Variants in DAAM2 observed in about 807,000 individuals in gnomAD.
DAAM2 encodes the protein dishevelled associated activator of morphogenesis 2.
DAAM2 carries 39 observed loss-of-function variants against 120.7 expected under a neutral mutation model. The observed-to-expected ratio is 0.32, with a 90% CI of 0.25 to 0.42. DAAM2 has a LOEUF of 0.42. Among genes scored for constraint, DAAM2 ranks in the 10% least tolerant of loss-of-function variants. The pLI, the probability that DAAM2 is intolerant of heterozygous loss-of-function variation, is 1.00. For missense variants in DAAM2, 1,283 were observed against 1,401.7 expected, an observed-to-expected ratio of 0.92 and a Z score of 1.35; for synonymous variants, 488 against 524.9, an observed-to-expected ratio of 0.93 and a Z score of 0.96.
At chr6:39,803,267 T>A (rs575738813) in intron 1 of DAAM2, among the ~76,000 whole-genome samples, 5 of 152,236 alleles carry the variant, frequency 3.3e-5, no homozygotes, top group Non-Finnish European at 5.9e-5. Context: ...CAAAGTTTTA[T>A]AAATGAGTTG....
At chr6:39,894,500 C>T (rs945929608) in intron 19 of DAAM2, among the ~76,000 whole-genome samples, 1 of 149,622 alleles carries the variant, frequency 6.7e-6, no homozygotes, top group African/African-American at 2.5e-5. Context: ...CAGCTTCCAA[C>T]CCCCCAGAGC....
chr6:39,890,213 G>A (rs1392932696), intron 17 of DAAM2, among the ~76,000 whole-genome samples: 1 of 152,170 alleles, frequency 6.6e-6, no homozygotes, highest in Non-Finnish European at 1.5e-5. Flanking sequence ...TTGTCTTCAC[G>A]CTGAGGAGGA....
chr6:39,879,639 G>C (rs1392649639), intron 14 of DAAM2, 162 bp downstream of exon 14: 2 of 883,808 alleles, frequency 2.3e-6, no homozygotes, highest in Non-Finnish European at 3.7e-6. Context: ...GCTGTGCCAG[G>C]CAGCTCACGG....
In DAAM2 at chr6:39,902,127, G is replaced by A; in HGVS notation, c.*90G>A. 1 of 1,211,304 alleles carries A rather than the reference G, an allele frequency of 8.3e-7. No homozygotes were observed. The highest frequency in any genetic ancestry group is 1.1e-6 in the Non-Finnish European group (1 of 873,472). 75.0% of individuals were successfully genotyped at this position (1,211,304 alleles called of 1,614,324 possible). A position where few individuals can be genotyped will look rare whatever the true frequency, so the allele number is the denominator to read the frequency against. On this transcript the variant is annotated 3_prime_UTR_variant, in exon 25 of 25. Coordinates refer to ENST00000274867, the MANE Select transcript of DAAM2 (RefSeq NM_001201427.2). ...GAGGTGGTGATATTTAAACCATTTG[G>A]TGCTTGGTTTAGAGCCTTGGGCTGG... is the stretch of plus-strand genomic sequence containing the variant.
intron 1 of DAAM2, among the ~76,000 whole-genome samples, chr6:39,850,370 C>T (rs1255450380): frequency 6.6e-6 from 1 of 152,194 alleles, no homozygotes; most frequent in African/African-American, 2.4e-5. Context: ...CCCCACCTCC[C>T]AGGCTGGACC....
At chr6:39,891,490 T>C (rs1562059503) in intron 18 of DAAM2, 43 bp downstream of exon 18, 1 of 1,548,074 alleles carries the variant, frequency 6.5e-7, no homozygotes, top group Non-Finnish European at 8.8e-7. Flanking sequence ...GGTGGGGTTC[T>C]GGCAGGTGGG....
chr6:39,809,560 A>G (rs1302911717), intron 1 of DAAM2, among the ~76,000 whole-genome samples: 2 of 152,156 alleles, frequency 1.3e-5, no homozygotes, highest in Non-Finnish European at 2.9e-5. Flanking sequence ...TGTCCTAGGG[A>G]AAAAGAAAGT....
intron 21 of DAAM2, among the ~76,000 whole-genome samples, 189 bp from the exon 22 acceptor site, chr6:39,898,688 T>C (rs1766278361): frequency 6.6e-6 from 1 of 152,196 alleles, no homozygotes; most frequent in Non-Finnish European, 1.5e-5. Flanking sequence ...AATTTATTGA[T>C]GCACAGACAG....
chr6:39,873,587 TC>T (rs1419475892), intron 10 of DAAM2, among the ~76,000 whole-genome samples: 2 of 152,210 alleles, frequency 1.3e-5, no homozygotes, highest in Admixed American at 6.5e-5. Context: ...CCTGAGCAAC[TC>T]CAACATCCTA....
intron 2 of DAAM2, among the ~76,000 whole-genome samples, chr6:39,857,132 C>T (rs1764040513): frequency 6.6e-6 from 1 of 152,306 alleles, no homozygotes; most frequent in East Asian, 1.9e-4. Context: ...CAGCTTTATA[C>T]CCTGGCCACA....
chr6:39,884,220 C>T, intron 15 of DAAM2, 151 bp downstream of exon 15: 1 of 606,302 alleles, frequency 1.6e-6, no homozygotes. Flanking sequence ...TTCCTTCCTT[C>T]CTCACATGTA....
In DAAM2 at chr6:39,799,514, A is replaced by C. The variant is rs77628658; in HGVS notation, c.-57+7049A>C. 2.9e-3 allele frequency among the ~76,000 whole-genome samples: 448 copies of C among 152,346 alleles called. 5 individuals are homozygous for C. The highest frequency in any genetic ancestry group is 9.7e-3 in the African/African-American group (405 of 41,580). On this transcript the variant is annotated intron_variant, in intron 1 of 24. Coordinates refer to ENST00000274867, the MANE Select transcript of DAAM2 (RefSeq NM_001201427.2). Reference sequence around the variant, plus strand: ...ATATATATTGTGTGTGGAATAATGTAAAAATGAAGTTCTATTCTGATGGTG... The same window carrying C: ...ATATATATTGTGTGTGGAATAATGTCAAAATGAAGTTCTATTCTGATGGTG...
At position 39,875,267 on chromosome 6, in the gene DAAM2, C is replaced by A. The variant is rs1394777633; in HGVS notation, c.1163-63C>A. Reference sequence around the variant, plus strand: ...ACCAGCCAGACCCCAGGCAGCAACTCTAGGGTGGGGCCCAAGGGGGACTTC... The same window carrying A: ...ACCAGCCAGACCCCAGGCAGCAACTATAGGGTGGGGCCCAAGGGGGACTTC... On this transcript the variant is annotated intron_variant, in intron 10 of 24. Transcript: ENST00000274867. 14 of 1,568,108 alleles carry A rather than the reference C, an allele frequency of 8.9e-6. No individual in the cohort carries two copies. In the Admixed American group the frequency reaches 2.5e-4, roughly 28 times the overall value.
At chr6:39,833,251 TTC>T in intron 1 of DAAM2, among the ~76,000 whole-genome samples, 1 of 152,252 alleles carries the variant, frequency 6.6e-6, no homozygotes, top group East Asian at 1.9e-4. Flanking sequence ...TTCTTTTCTT[TTC>T]TCTTTTCCTT....
intron 1 of DAAM2, among the ~76,000 whole-genome samples, chr6:39,817,293 A>T (rs1007159709): frequency 1.3e-5 from 2 of 152,244 alleles, no homozygotes; most frequent in African/African-American, 2.4e-5. Flanking sequence ...TAAATCTAAG[A>T]TAAACAATGA....
At chr6:39,820,239 G>A (rs1394549382) in intron 1 of DAAM2, 1 of 152,190 alleles carries the variant, frequency 6.6e-6, no homozygotes, top group African/African-American at 2.4e-5. Flanking sequence ...TGCGGAGGGA[G>A]CTGGTGATCA....
intron 2 of DAAM2, among the ~76,000 whole-genome samples, chr6:39,858,704 A>C (rs748376864): frequency 3.9e-5 from 6 of 152,202 alleles, no homozygotes; most frequent in Non-Finnish European, 8.8e-5. Context: ...CTACATAAGT[A>C]CATCATAGTA....
Position 39,901,831 on chromosome 6 carries a change from C to T in DAAM2, c.3001C>T (p.Arg1001Cys), listed in dbSNP as rs373069609. The T allele has an allele frequency of 4.5e-5, 70 of 1,555,658 alleles. No individual in the cohort carries two copies. Among genetic ancestry groups the T allele is most frequent in the African/African-American group, 5.4e-5 (4 of 73,560 alleles). Residue 1001 changes from arginine (R) to cysteine (C), a missense_variant, in exon 25 of 25, where the codon CGT (arginine) becomes TGT (cysteine). By Grantham distance (180) the Arg-to-Cys change is radical. This residue lies in a region of DAAM2 where 748 missense variants were observed against 768.6 expected (regional missense o/e 0.97). Coordinates refer to ENST00000274867, the MANE Select transcript of DAAM2 (RefSeq NM_001201427.2). This position sits in a 1 kb window ranked among gnomAD's most constrained non-coding sequence, Gnocchi z 4.5. Reference protein sequence around the residue: ...MEAMLKEQRERERWQRQRKVL... With the variant: ...MEAMLKEQRECERWQRQRKVL... Reference sequence around the variant, plus strand: ...CCCGCAGCTGAAGGAGCAGAGGGAACGTGAGCGGTGGCAGCGGCAGCGGAA... The same window carrying T: ...CCCGCAGCTGAAGGAGCAGAGGGAATGTGAGCGGTGGCAGCGGCAGCGGAA...
At chr6:39,858,791 A>G (rs1217397939) in intron 2 of DAAM2, among the ~76,000 whole-genome samples, 2 of 152,016 alleles carry the variant, frequency 1.3e-5, no homozygotes, top group Non-Finnish European at 2.9e-5. Flanking sequence ...AGTTTGAGAG[A>G]GTTTGAGATA....
Sources: gnomAD v4.1 joint callset for allele counts (sites outside exome capture counted in the v4.1 genomes callset) on GRCh38, gnomAD v4.1.1 for gene constraint, gnomAD v4.1.1 regional missense constraint, Gnocchi (gnomAD v3.1) non-coding constraint, MANE v1.5 for transcripts, NCBI Gene and HGNC (gene_info 2026-07-23, HGNC 2026-07-21) for gene names.